The following AGO4 variants were observed in gnomAD, a reference collection of about 807,000 sequenced individuals.
AGO4 encodes protein argonaute-4.
A neutral mutation model predicts 104.7 loss-of-function variants in AGO4; 33 were observed. The observed-to-expected ratio is 0.32, with a 90% confidence interval of 0.24 to 0.42. The LOEUF is 0.42. Among genes scored for constraint, AGO4 ranks in the 10% least tolerant of loss-of-function variants. The probability of loss-of-function intolerance (pLI) is 1.00; values close to 1 mark genes in which losing one functional copy is unlikely to be tolerated. For synonymous variants in AGO4, 331 were observed against 364.7 expected (o/e 0.91, Z 1.05); for missense variants, 711 against 1,083.4 (o/e 0.66, Z 4.83).
intron 8 of AGO4, 60 bp from the exon 9 acceptor site, chr1:35,831,752 G>T: frequency 6.3e-7 from 1 of 1,595,588 alleles, no homozygotes; most frequent in South Asian, 1.1e-5. Flanking sequence ...GATATGGTTT[G>T]GCAAAGGTTT....
rs1287468620 is a variant in AGO4, at chr1:35,850,342, T to C, written c.2277+84T>C. On this transcript the variant is annotated intron_variant, in intron 16 of 17. Coordinates refer to ENST00000373210, the MANE Select transcript of AGO4 (RefSeq NM_017629.4). ...AACTAGCTTGAGTCGACTTGTTATT[T>C]AACACCGTGCCTAACTTTGTTAATG... The C allele has an allele frequency of 2.9e-6, 3 of 1,018,502 alleles. No homozygotes were observed. The Admixed American group carries it at 5.1e-5, about 17-fold the overall frequency. The allele number at this position is 1,018,502 out of a possible 1,614,324, so 63.1% of individuals were successfully genotyped here.
chr1:35,832,364 C>T, intron 10 of AGO4, 73 bp from the exon 11 acceptor site: 1 of 1,503,064 alleles, frequency 6.7e-7, no homozygotes, highest in Non-Finnish European at 8.8e-7. Context: ...GTAAAATGGC[C>T]TTAGATTGTA....
At chr1:35,852,035 C>CA (rs1035190375) in intron 17 of AGO4, among the ~76,000 whole-genome samples, 2 of 151,708 alleles carry the variant, frequency 1.3e-5, no homozygotes, top group African/African-American at 4.8e-5. Flanking sequence ...AATGGCTCTA[C>CA]AAAAAAGAGA....
chr1:35,851,152 G>A, intron 17 of AGO4, 99 bp downstream of exon 17: 2 of 1,214,232 alleles, frequency 1.6e-6, no homozygotes, highest in Non-Finnish European at 2.3e-6. Flanking sequence ...TAAACTTTCA[G>A]AGTTTAAATT....
chr1:35,852,223 G>C (rs1447294091), intron 17 of AGO4, among the ~76,000 whole-genome samples: 1 of 152,158 alleles, frequency 6.6e-6, no homozygotes, highest in Non-Finnish European at 1.5e-5. Context: ...CTGTTCCTAG[G>C]ATAGAATAGA....
At chr1:35,831,350 CAA>C in intron 7 of AGO4, 75 bp from the exon 8 acceptor site, 1 of 1,439,584 alleles carries the variant, frequency 6.9e-7, no homozygotes. Context: ...GACACTGTCT[CAA>C]AAAAAAAGAA....
At position 35,835,819 on chromosome 1, in the gene AGO4, A is replaced by C. The variant is rs566409808; in HGVS notation, c.1565-15A>C. 4.4e-6 allele frequency: 7 copies of C among 1,573,244 alleles called. No individual in the cohort carries two copies. The Admixed American group carries it at 6.0e-5, about 13-fold the overall frequency. ...ACCATTTAAACATGTTAAAATTAATAAATTATTTTTGTAGCGGAGGTGAAA... is the reference window on the plus strand; with the variant it reads ...ACCATTTAAACATGTTAAAATTAATCAATTATTTTTGTAGCGGAGGTGAAA... On this transcript the variant is annotated splice_polypyrimidine_tract_variant and intron_variant, in intron 12 of 17. Transcript: ENST00000373210.
At chr1:35,834,576 A>T (rs543634415) in intron 12 of AGO4, among the ~76,000 whole-genome samples, 3 of 152,214 alleles carry the variant, frequency 2.0e-5, no homozygotes, top group Admixed American at 2.0e-4. Flanking sequence ...GGTGAAAAGC[A>T]CTTAGGAATA....
In AGO4 at chr1:35,832,399, T is replaced by C. The variant is rs750863232; in HGVS notation, c.1246-38T>C. 9.8e-6 allele frequency: 15 copies of C among 1,524,258 alleles called. No individual in the cohort carries two copies. In the African/African-American group the frequency reaches 1.5e-4, roughly 16 times the overall value. The allele number at this position is 1,524,258 out of a possible 1,614,324, so 94.4% of individuals were successfully genotyped here. A position where few individuals can be genotyped will look rare whatever the true frequency, so the allele number is the denominator to read the frequency against. On this transcript the variant is annotated intron_variant, in intron 10 of 17. Transcript: ENST00000373210. The stretch of plus-strand genomic sequence containing the variant: ...AATGTCTTTTCTCTTTTCTTTTGTT[T>C]CTTCTTCTTCTTCTTCTTCTTTTTT...
chr1:35,852,981 T>A (rs969903497), intron 17 of AGO4, among the ~76,000 whole-genome samples: 1 of 152,204 alleles, frequency 6.6e-6, no homozygotes, highest in African/African-American at 2.4e-5. Flanking sequence ...CCTGGCGCGG[T>A]GGCTCACGCC....
intron 15 of AGO4, among the ~76,000 whole-genome samples, chr1:35,842,240 GAT>G: frequency 6.6e-6 from 1 of 152,088 alleles, no homozygotes; most frequent in Non-Finnish European, 1.5e-5. Flanking sequence ...GTCAGTGAAT[GAT>G]CATTACCACC....
At chr1:35,815,676 A>G (rs1443619510) in intron 1 of AGO4, among the ~76,000 whole-genome samples, 2 of 152,202 alleles carry the variant, frequency 1.3e-5, no homozygotes, top group African/African-American at 2.4e-5. Context: ...AGGGTTTCTC[A>G]ACCTCTTTCT....
upstream of AGO4, among the ~76,000 whole-genome samples, chr1:35,808,008 G>A (rs994219242): frequency 3.3e-5 from 5 of 150,724 alleles, no homozygotes; most frequent in Admixed American, 2.0e-4. The surrounding 1 kb of genome is among the most constrained non-coding windows in gnomAD (Gnocchi z 5.2). Context: ...CCCTCCGGGC[G>A]CGCGCTCGTT....
intron 1 of AGO4, among the ~76,000 whole-genome samples, chr1:35,813,785 GAGGAAGA>G (rs1048194937): frequency 2.2e-4 from 34 of 151,230 alleles, no homozygotes; most frequent in African/African-American, 6.1e-4. Context: ...AGAAGAGGAA[GAGGAAGA>G]AGGAAGAAGG....
chr1:35,827,883 T>C (rs181490742), intron 7 of AGO4, among the ~76,000 whole-genome samples: 73 of 144,694 alleles, frequency 5.0e-4, no homozygotes, highest in African/African-American at 1.7e-3. Context: ...TTCCAAGTAG[T>C]GGGATTACAG....
At chr1:35,811,482 C>A (rs971774742) in intron 1 of AGO4, among the ~76,000 whole-genome samples, 28 of 147,746 alleles carry the variant, frequency 1.9e-4, no homozygotes, top group African/African-American at 3.5e-4. Flanking sequence ...AAAAAAAAAA[C>A]AAAAACCAAC....
At chr1:35,818,710 C>G (rs28497732) in intron 2 of AGO4, among the ~76,000 whole-genome samples, 22 of 133,338 alleles carry the variant, frequency 1.6e-4, no homozygotes, top group South Asian at 7.3e-4. Context: ...AGGAAAGAAA[C>G]AAACAGCAGA....
At position 35,808,170 on chromosome 1, in the gene AGO4, T is replaced by TGGCGGCGGCGGCGGCGGC. The variant is rs544199267; in HGVS notation, c.-238_-221dup. 1.3e-5 allele frequency: 2 copies of TGGCGGCGGCGGCGGCGGC among 157,398 alleles called. No individual in the cohort carries two copies. Among genetic ancestry groups the TGGCGGCGGCGGCGGCGGC allele is most frequent in the East Asian group, 3.9e-4 (2 of 5,178 alleles). The allele number at this position is 157,398 out of a possible 1,614,324, so 9.8% of individuals were successfully genotyped here. On this transcript the variant is annotated 5_prime_UTR_variant, in exon 1 of 18. Coordinates refer to ENST00000373210, the MANE Select transcript of AGO4 (RefSeq NM_017629.4). The surrounding 1 kb of genome is among the most constrained non-coding windows in gnomAD (Gnocchi z 5.2). ...CGCTGGCTCCCGCTCCCGCTCCCGT[T>TGGCGGCGGCGGCGGCGGC]GGCGGCGGCGGCGGCGGCGGCGGCG...
intron 17 of AGO4, 117 bp from the exon 18 acceptor site, chr1:35,853,380 G>A (rs752595110): frequency 1.5e-5 from 10 of 688,540 alleles, no homozygotes; most frequent in South Asian, 4.2e-5. Context: ...TATTTGAAAC[G>A]TGTGAAGTTT....
Sources: allele counts gnomAD v4.1 joint callset (sites outside exome capture counted in the v4.1 genomes callset), GRCh38; gene constraint gnomAD v4.1.1; non-coding constraint Gnocchi (gnomAD v3.1); transcripts MANE v1.5; gene names NCBI Gene and HGNC (gene_info 2026-07-23, HGNC 2026-07-21).